Variants in SPATA13 observed in about 807,000 individuals in gnomAD.
SPATA13 encodes spermatogenesis-associated protein 13.
Under a neutral mutation model 104.0 loss-of-function variants are expected in SPATA13, and 50 were observed. The ratio of observed to expected loss-of-function variants is 0.48; its 90% CI spans 0.38 to 0.61. The LOEUF (loss-of-function observed/expected upper bound fraction) is 0.61, where lower values mean the gene tolerates loss of function less well. Ranked by LOEUF, SPATA13 falls within the 20% of genes least tolerant of loss-of-function variation. The pLI, the probability that SPATA13 is intolerant of heterozygous loss-of-function variation, is 0.00. For synonymous variants in SPATA13, 606 were observed against 667.5 expected, an observed-to-expected ratio of 0.91 and a Z score of 1.42; for missense variants, 1,524 against 1,690.6, an observed-to-expected ratio of 0.90 and a Z score of 1.73.
At chr13:24,243,153 G>A (rs1252944124) in intron 2 of SPATA13, among the ~76,000 whole-genome samples, 2 of 152,166 alleles carry the variant, frequency 1.3e-5, no homozygotes, top group African/African-American at 4.8e-5. Flanking sequence ...TTTTTCTGAT[G>A]TCTTGAAATA....
At chr13:24,080,980 C>T (rs1044184553) in intron 3 of SPATA13, among the ~76,000 whole-genome samples, 40 of 152,120 alleles carry the variant, frequency 2.6e-4, no homozygotes, top group African/African-American at 9.2e-4. Flanking sequence ...TTTGTCATTC[C>T]GAGGGTTCTG....
At chr13:24,026,690 G>A (rs2137708954) in intron 3 of SPATA13, among the ~76,000 whole-genome samples, 1 of 152,186 alleles carries the variant, frequency 6.6e-6, no homozygotes, top group South Asian at 2.1e-4. Context: ...CCATTCTTCT[G>A]CCTCAACCTC....
intron 3 of SPATA13, among the ~76,000 whole-genome samples, chr13:24,150,346 C>A (rs552565956): frequency 5.3e-5 from 8 of 152,318 alleles, no homozygotes; most frequent in African/African-American, 1.7e-4. Context: ...AGCCTGCAGC[C>A]TCAGTGGCAT....
chr13:24,052,628 G>A (rs1187702849), intron 3 of SPATA13, among the ~76,000 whole-genome samples: 1 of 151,514 alleles, frequency 6.6e-6, no homozygotes, highest in Non-Finnish European at 1.5e-5. Context: ...CTGGTGACAA[G>A]AGAACATGGA....
chr13:24,095,144 G>A (rs533419150), intron 3 of SPATA13, among the ~76,000 whole-genome samples: 27 of 152,232 alleles, frequency 1.8e-4, no homozygotes, highest in Non-Finnish European at 3.2e-4. Context: ...GCCAAGAGGC[G>A]GAAACAACCC....
chr13:24,070,069 A>G (rs1879102541), intron 3 of SPATA13, among the ~76,000 whole-genome samples: 1 of 152,230 alleles, frequency 6.6e-6, no homozygotes, highest in Non-Finnish European at 1.5e-5. Context: ...TCTCAGCTCC[A>G]AGAACATAGT....
intron 2 of SPATA13, among the ~76,000 whole-genome samples, chr13:23,994,555 C>T (rs1875582928): frequency 6.6e-6 from 1 of 152,220 alleles, no homozygotes; most frequent in Non-Finnish European, 1.5e-5. Context: ...CTGAGATCCT[C>T]TAAGTGTTGG....
chr13:24,191,562 T>G (rs575233418), intron 1 of SPATA13, among the ~76,000 whole-genome samples: 36 of 129,036 alleles, frequency 2.8e-4, no homozygotes, highest in Admixed American at 1.4e-3. Context: ...CAGGCTGGAG[T>G]GCAGTGGCGT....
At chr13:24,093,210 T>C (rs936746678) in intron 3 of SPATA13, among the ~76,000 whole-genome samples, 1 of 152,218 alleles carries the variant, frequency 6.6e-6, no homozygotes, top group Non-Finnish European at 1.5e-5. Context: ...TGTGTCTCTT[T>C]GTGCCTGGTT....
chr13:24,294,566 C>T (rs548715832), intron 9 of SPATA13, among the ~76,000 whole-genome samples, 173 bp from the exon 10 acceptor site: 1 of 151,976 alleles, frequency 6.6e-6, no homozygotes, highest in Non-Finnish European at 1.5e-5. Flanking sequence ...TAATCTATGG[C>T]AGACTGTAGT....
At chr13:24,097,210 G>A (rs1880113246) in intron 3 of SPATA13, among the ~76,000 whole-genome samples, 1 of 152,214 alleles carries the variant, frequency 6.6e-6, no homozygotes, top group Admixed American at 6.5e-5. Context: ...TAGTTCTCAT[G>A]CACTGACAGT....
chr13:24,227,754 A>G (rs1872026453), intron 2 of SPATA13, among the ~76,000 whole-genome samples: 1 of 152,048 alleles, frequency 6.6e-6, no homozygotes, highest in Admixed American at 6.6e-5. Context: ...TATTTTTAGT[A>G]GAGACAGGGT....
chr13:24,150,305 C>T (rs766422146), intron 3 of SPATA13, among the ~76,000 whole-genome samples: 1 of 152,194 alleles, frequency 6.6e-6, no homozygotes, highest in Non-Finnish European at 1.5e-5. Context: ...GGCATCACTG[C>T]TGCACAGCTC....
chr13:24,201,087 A>C (rs1870375422), intron 1 of SPATA13, among the ~76,000 whole-genome samples: 1 of 149,846 alleles, frequency 6.7e-6, no homozygotes, highest in South Asian at 2.1e-4. Flanking sequence ...TTTTGATTGG[A>C]GGTATTTTTG....
intron 4 of SPATA13, among the ~76,000 whole-genome samples, chr13:24,266,366 C>T (rs1874295794): frequency 6.6e-6 from 1 of 152,184 alleles, no homozygotes; most frequent in Non-Finnish European, 1.5e-5. Flanking sequence ...CTCACTGCAG[C>T]CTCGATCTCC....
At chr13:24,040,168 G>A (rs1362615404) in intron 3 of SPATA13, among the ~76,000 whole-genome samples, 1 of 152,202 alleles carries the variant, frequency 6.6e-6, no homozygotes, top group Non-Finnish European at 1.5e-5. Flanking sequence ...AAACCAAATG[G>A]CGAGTGCCCT....
At position 24,173,701 on chromosome 13, in the gene SPATA13, G is replaced by A. The variant is rs557711132; in HGVS notation, c.-112+12769G>A. ...TTGAATTTCATCAAATGCTTTTTCTGTATCAGTTGATGTGATTGTGTGGTT... is the reference window on the plus strand; with the variant it reads ...TTGAATTTCATCAAATGCTTTTTCTATATCAGTTGATGTGATTGTGTGGTT... On this transcript the variant is annotated intron_variant, in intron 1 of 12. Coordinates refer to ENST00000382108, the MANE Select transcript of SPATA13 (RefSeq NM_001166271.3). 2.0e-5 allele frequency among the ~76,000 whole-genome samples: 3 copies of A among 152,064 alleles called. No individual in the cohort carries two copies. In the East Asian group the frequency reaches 5.8e-4, roughly 29 times the overall value.
chr13:24,287,826 T>C lies in SPATA13; in HGVS notation c.2667+876T>C, dbSNP rs560090841. 6.6e-5 allele frequency among the ~76,000 whole-genome samples: 10 copies of C among 152,360 alleles called. No individual in the cohort carries two copies. In the South Asian group the frequency reaches 1.9e-3, roughly 28 times the overall value. ...CTTCCTGTGGTATTTTGTGCTTCTA[T>C]GGATTGTGTACGAGCATCACACTAC... is the stretch of plus-strand genomic sequence containing the variant. On this transcript the variant is annotated intron_variant, in intron 7 of 12. Transcript: ENST00000382108.
intron 9 of SPATA13, among the ~76,000 whole-genome samples, chr13:24,292,588 G>A (rs1433283362): frequency 2.0e-5 from 3 of 152,160 alleles, no homozygotes; most frequent in Admixed American, 6.5e-5. Flanking sequence ...AATTTCTATG[G>A]CAAACCACAA....
Sources: gnomAD v4.1 joint callset for allele counts (sites outside exome capture counted in the v4.1 genomes callset) on GRCh38, gnomAD v4.1.1 for gene constraint, MANE v1.5 for transcripts, NCBI Gene and HGNC (gene_info 2026-07-23, HGNC 2026-07-21) for gene names.